NBEA: variants seen among roughly 807,000 people sequenced by gnomAD.
NBEA encodes the protein lysosomal-trafficking regulator 2.
NBEA carries 44 observed loss-of-function variants against 343.4 expected under a neutral mutation model. That is an observed-to-expected ratio of 0.13 (90% CI 0.10 to 0.16). The LOEUF (loss-of-function observed/expected upper bound fraction) is 0.16. Among genes scored for constraint, NBEA ranks in the 10% least tolerant of loss-of-function variants. NBEA has a pLI of 1.00. For synonymous variants in NBEA, 1,175 were observed against 1,238.7 expected, an observed-to-expected ratio of 0.95 and a Z score of 1.08; for missense variants, 2,555 against 3,631.3, an observed-to-expected ratio of 0.70 and a Z score of 7.62.
At chr13:35,083,292 C>T (rs1198520844) in intron 10 of NBEA, among the ~76,000 whole-genome samples, 1 of 152,036 alleles carries the variant, frequency 6.6e-6, no homozygotes, top group East Asian at 1.9e-4. Context: ...TGTTTTGGTA[C>T]CAGTACCATG....
At chr13:35,535,948 C>T (rs1200099311) in intron 41 of NBEA, among the ~76,000 whole-genome samples, 1 of 152,160 alleles carries the variant, frequency 6.6e-6, no homozygotes, top group Non-Finnish European at 1.5e-5. Context: ...TAGACCCAAT[C>T]AAAAGGACTT....
chr13:35,534,942 G>T (rs1322244496), intron 41 of NBEA, among the ~76,000 whole-genome samples: 1 of 152,098 alleles, frequency 6.6e-6, no homozygotes, highest in Non-Finnish European at 1.5e-5. Flanking sequence ...CTAGTATTTT[G>T]CTTCAAATAG....
At chr13:34,976,309 G>A (rs1052820392) in intron 1 of NBEA, among the ~76,000 whole-genome samples, 2 of 152,150 alleles carry the variant, frequency 1.3e-5, no homozygotes, top group East Asian at 3.9e-4. Flanking sequence ...TATTCTAAGT[G>A]AAGTAACTCA....
chr13:35,119,114 G>C (rs118012819), intron 16 of NBEA, among the ~76,000 whole-genome samples: 1 of 152,120 alleles, frequency 6.6e-6, no homozygotes, highest in Non-Finnish European at 1.5e-5. Flanking sequence ...AAAGCCAAAA[G>C]AAACTGAAAA....
intron 38 of NBEA, among the ~76,000 whole-genome samples, chr13:35,378,585 C>T (rs1034612986): frequency 2.0e-5 from 3 of 151,862 alleles, no homozygotes; most frequent in African/African-American, 4.8e-5. Flanking sequence ...TTCAAATACA[C>T]GTTGAAATGG....
chr13:35,574,088 T>C (rs73498964), intron 45 of NBEA, among the ~76,000 whole-genome samples: 9,565 of 152,120 alleles, frequency 0.063, 1,024 homozygotes, highest in African/African-American at 0.22. Context: ...ACTAACTTTC[T>C]TAGGAACTAT....
chr13:35,646,826 G>A (rs1462401276), intron 51 of NBEA, among the ~76,000 whole-genome samples: 2 of 152,144 alleles, frequency 1.3e-5, no homozygotes, highest in African/African-American at 2.4e-5. Context: ...AAGAGTAAGG[G>A]CCCCAGAGCC....
At chr13:35,306,417 A>G (rs988841991) in intron 35 of NBEA, among the ~76,000 whole-genome samples, 1 of 151,250 alleles carries the variant, frequency 6.6e-6, no homozygotes, top group African/African-American at 2.4e-5. Flanking sequence ...TTTGTTTTCT[A>G]TCTCTGTCTT....
chr13:35,595,144 C>T (rs531065645), intron 47 of NBEA, among the ~76,000 whole-genome samples: 89 of 152,124 alleles, frequency 5.9e-4, no homozygotes, highest in Non-Finnish European at 1.0e-3. Flanking sequence ...TGCCCTGTAC[C>T]GGGCTTTTTC....
At chr13:34,952,828 T>C (rs1413614396) in intron 1 of NBEA, among the ~76,000 whole-genome samples, 1 of 152,082 alleles carries the variant, frequency 6.6e-6, no homozygotes, top group Non-Finnish European at 1.5e-5. Flanking sequence ...TTTTATGTTA[T>C]TTAATTTTTT....
chr13:35,431,224 T>G (rs2152930293), intron 38 of NBEA, among the ~76,000 whole-genome samples: 1 of 152,264 alleles, frequency 6.6e-6, no homozygotes, highest in African/African-American at 2.4e-5. Context: ...AGGTCCTGCC[T>G]TAATCAGACT....
At chr13:35,045,495 A>T (rs1342615449) in intron 4 of NBEA, 94 bp downstream of exon 4, 1 of 984,016 alleles carries the variant, frequency 1.0e-6, no homozygotes, top group African/African-American at 1.7e-5. Flanking sequence ...TTACCAGTTT[A>T]GAAAGCACAA....
chr13:35,654,841 C>G lies in NBEA; in HGVS notation c.8036-14C>G. 1 of 1,557,428 alleles carries G rather than the reference C, an allele frequency of 6.4e-7. No individual in the cohort carries two copies. Among genetic ancestry groups the G allele is most frequent in the Non-Finnish European group, 8.6e-7 (1 of 1,160,928 alleles). ...GGAATCTTTCTTCAAATGCTTTTTT[C>G]CATTTACTTTTAGCCAATAATTCAG... On this transcript the variant is annotated splice_polypyrimidine_tract_variant and intron_variant, in intron 53 of 58. Coordinates refer to ENST00000379939, the MANE Select transcript of NBEA (RefSeq NM_001385012.1).
At chr13:35,277,140 C>T (rs1330320743) in intron 34 of NBEA, among the ~76,000 whole-genome samples, 1 of 152,040 alleles carries the variant, frequency 6.6e-6, no homozygotes, top group Non-Finnish European at 1.5e-5. Context: ...CTGGTACTTA[C>T]CTTAACACTG....
intron 1 of NBEA, among the ~76,000 whole-genome samples, chr13:35,007,713 G>A (rs535592336): frequency 6.6e-6 from 1 of 152,070 alleles, no homozygotes; most frequent in African/African-American, 2.4e-5. Context: ...GGCTGGTCTG[G>A]AACTGCTGAG....
intron 1 of NBEA, among the ~76,000 whole-genome samples, chr13:34,983,654 C>T (rs1380813071): frequency 1.3e-5 from 2 of 152,236 alleles, no homozygotes; most frequent in South Asian, 4.2e-4. Flanking sequence ...TAAAATTATT[C>T]CTATTTCTCC....
chr13:34,954,273 A>G (rs1182251768), intron 1 of NBEA, among the ~76,000 whole-genome samples: 1 of 152,166 alleles, frequency 6.6e-6, no homozygotes, highest in Non-Finnish European at 1.5e-5. Flanking sequence ...AATCCCCCAG[A>G]GATATCAAGG....
At chr13:35,200,649 T>C (rs1238455601) in intron 31 of NBEA, among the ~76,000 whole-genome samples, 1 of 151,968 alleles carries the variant, frequency 6.6e-6, no homozygotes, top group African/African-American at 2.4e-5. Context: ...ATTACTGGGT[T>C]TGATATATTC....
intron 28 of NBEA, among the ~76,000 whole-genome samples, chr13:35,178,264 T>G (rs1480303768): frequency 6.6e-6 from 1 of 151,788 alleles, no homozygotes; most frequent in Non-Finnish European, 1.5e-5. Flanking sequence ...TTACAAATCT[T>G]GATGTCCCAA....
Sources: allele counts gnomAD v4.1 joint callset (sites outside exome capture counted in the v4.1 genomes callset), GRCh38; gene constraint gnomAD v4.1.1; transcripts MANE v1.5; gene names NCBI Gene and HGNC (gene_info 2026-07-23, HGNC 2026-07-21).